SLC9A8: variants seen among roughly 807,000 people sequenced by gnomAD.
SLC9A8 encodes the protein sodium/hydrogen exchanger 8.
Under a neutral mutation model 66.6 loss-of-function variants are expected in SLC9A8, and 48 were observed. The observed-to-expected ratio is 0.72, with a 90% CI of 0.57 to 0.92. SLC9A8 has a LOEUF of 0.92. SLC9A8 is among the 40% of genes least tolerant of loss of function. The probability of loss-of-function intolerance (pLI) is 0.00; values close to 1 mark genes in which losing one functional copy is unlikely to be tolerated. For synonymous variants in SLC9A8, 274 were observed against 282.6 expected (o/e 0.97, Z 0.31); for missense variants, 599 against 747.3 (o/e 0.80, Z 2.31).
At chr20:49,827,506 G>A (rs543704128) in intron 3 of SLC9A8, among the ~76,000 whole-genome samples, 1 of 151,342 alleles carries the variant, frequency 6.6e-6, no homozygotes, top group Non-Finnish European at 1.5e-5. Flanking sequence ...CAGGAGGATG[G>A]GGCAGGAGAA....
intron 7 of SLC9A8, 81 bp downstream of exon 7, chr20:49,850,925 G>T (rs1421199517): frequency 2.0e-6 from 2 of 1,013,438 alleles, no homozygotes; most frequent in Non-Finnish European, 3.0e-6. Context: ...CCTGGGTGTG[G>T]TACTGTTCTA....
Position 49,886,591 on chromosome 20 carries a change from C to A in SLC9A8, c.1492-161C>A. 2.6e-6 allele frequency: 2 copies of A among 770,220 alleles called. No homozygotes were observed. The highest frequency in any genetic ancestry group is 4.1e-6 in the Non-Finnish European group (2 of 489,834). The allele number at this position is 770,220 out of a possible 1,614,324, so 47.7% of individuals were successfully genotyped here. ...CCTGATGGACGTTCCTGCCTCCCTG[C>A]AGGCTCCCAGGAGGCCGTCTGCTGC... On this transcript the variant is annotated intron_variant, in intron 14 of 15. Coordinates refer to ENST00000361573, the MANE Select transcript of SLC9A8 (RefSeq NM_015266.3). The surrounding 1 kb of genome is among the most constrained non-coding windows in gnomAD (Gnocchi z 4.8).
At chr20:49,876,480 C>A (rs1006361150) in intron 11 of SLC9A8, among the ~76,000 whole-genome samples, 1 of 152,174 alleles carries the variant, frequency 6.6e-6, no homozygotes, top group Non-Finnish European at 1.5e-5. Flanking sequence ...AACAGTCCAA[C>A]CCTGTGGAAT....
chr20:49,863,129 G>T, intron 9 of SLC9A8, 62 bp downstream of exon 9: 1 of 1,453,952 alleles, frequency 6.9e-7, no homozygotes, highest in Non-Finnish European at 9.3e-7. Context: ...TCTGTCTCTA[G>T]CCAGTTTCTC....
At chr20:49,853,381 A>G (rs1252995372) in intron 7 of SLC9A8, among the ~76,000 whole-genome samples, 1 of 152,162 alleles carries the variant, frequency 6.6e-6, no homozygotes, top group Non-Finnish European at 1.5e-5. Flanking sequence ...AGCTCAAGCC[A>G]TCCTCCCACC....
At chr20:49,853,464 A>G (rs947859550) in intron 7 of SLC9A8, among the ~76,000 whole-genome samples, 9 of 152,154 alleles carry the variant, frequency 5.9e-5, no homozygotes, top group African/African-American at 1.9e-4. Context: ...TTTAGACATC[A>G]TCCTCCTTCC....
chr20:49,845,056 A>G lies in SLC9A8; in HGVS notation c.369A>G (p.Pro123=), dbSNP rs1278209743. 2 of 1,612,966 alleles carry G rather than the reference A, an allele frequency of 1.2e-6. No homozygotes were observed. Among genetic ancestry groups the G allele is most frequent in the Non-Finnish European group, 1.7e-6 (2 of 1,178,946 alleles). Residue 123 remains proline, a synonymous_variant, in exon 5 of 16, where the codon CCA becomes CCG. Transcript: ENST00000361573. ...ANWKEEEMFR[P]NMFFLLLLPP... is the part of the protein sequence containing the mutation. ...TACAGGAAGAAGAAATGTTTCGTCC[A>G]AACATGTTTTTCCTCCTCCTGCTTC...
At chr20:49,846,793 A>C (rs2146596810) in intron 5 of SLC9A8, among the ~76,000 whole-genome samples, 1 of 152,210 alleles carries the variant, frequency 6.6e-6, no homozygotes, top group East Asian at 1.9e-4. Flanking sequence ...GCGTGCCTGT[A>C]ATCCCAGCTA....
intron 2 of SLC9A8, among the ~76,000 whole-genome samples, chr20:49,817,974 A>G (rs7265473): frequency 0.085 from 13,010 of 152,164 alleles, 665 homozygotes; most frequent in Middle Eastern, 0.13. Flanking sequence ...AGTATTATTA[A>G]TCTATTTACA....
Position 49,880,907 on chromosome 20 carries a change from T to G in SLC9A8, c.1159-17T>G. On this transcript the variant is annotated splice_polypyrimidine_tract_variant and intron_variant, in intron 12 of 15. Coordinates refer to ENST00000361573, the MANE Select transcript of SLC9A8 (RefSeq NM_015266.3). The stretch of plus-strand genomic sequence containing the variant: ...CCAGATGTTTTCACCTAAGACTTAG[T>G]TTGTTGCTATCAACAGGTGCTTGTA... 1 of 1,551,748 alleles carries G rather than the reference T, an allele frequency of 6.4e-7. No individual in the cohort carries two copies. The highest frequency in any genetic ancestry group is 8.9e-7 in the Non-Finnish European group (1 of 1,123,410).
intron 9 of SLC9A8, among the ~76,000 whole-genome samples, chr20:49,864,449 C>G (rs1255145157): frequency 6.6e-6 from 1 of 152,182 alleles, no homozygotes; most frequent in Non-Finnish European, 1.5e-5. Flanking sequence ...CCCCAGCCCT[C>G]TAAGTCAGCG....
chr20:49,837,625 A>C (rs992619977), intron 3 of SLC9A8, among the ~76,000 whole-genome samples: 1 of 152,074 alleles, frequency 6.6e-6, no homozygotes, highest in Non-Finnish European at 1.5e-5. Flanking sequence ...GCTGGAGTGC[A>C]GTGGCATGAT....
chr20:49,839,128 A>G (rs1001926429), intron 3 of SLC9A8, among the ~76,000 whole-genome samples: 26 of 152,320 alleles, frequency 1.7e-4, no homozygotes, highest in African/African-American at 5.1e-4. Flanking sequence ...TGGAACTGCT[A>G]TTTGAGTCTG....
At chr20:49,868,923 TCAAA>T (rs1055069330) in intron 10 of SLC9A8, among the ~76,000 whole-genome samples, 2 of 152,346 alleles carry the variant, frequency 1.3e-5, no homozygotes, top group East Asian at 1.9e-4. Flanking sequence ...CCACAGCAAA[TCAAA>T]CAGTCTCCCT....
chr20:49,819,379 A>G (rs1340560432), intron 2 of SLC9A8, among the ~76,000 whole-genome samples: 2 of 152,100 alleles, frequency 1.3e-5, no homozygotes, highest in Non-Finnish European at 2.9e-5. Context: ...GCATATACAG[A>G]TGTATATTCG....
chr20:49,839,644 A>G (rs1225527744), intron 4 of SLC9A8, 45 bp downstream of exon 4: 1 of 1,262,536 alleles, frequency 7.9e-7, no homozygotes, highest in Non-Finnish European at 1.1e-6. Context: ...AACATTGATC[A>G]TTATGCTGGC....
At chr20:49,849,109 G>C (rs1026295408) in intron 5 of SLC9A8, among the ~76,000 whole-genome samples, 1 of 152,116 alleles carries the variant, frequency 6.6e-6, no homozygotes, top group African/African-American at 2.4e-5. Flanking sequence ...AGCAAAGAGG[G>C]AGCACAACCT....
chr20:49,853,226 C>T (rs1241808553), intron 7 of SLC9A8, among the ~76,000 whole-genome samples: 4 of 152,208 alleles, frequency 2.6e-5, no homozygotes, highest in African/African-American at 9.7e-5. Flanking sequence ...TCGCTGTAGC[C>T]TCAAACTCCT....
In SLC9A8 at chr20:49,865,381, G is replaced by T. The variant is rs544814782; in HGVS notation, c.958+537G>T. Among the ~76,000 whole-genome samples the T allele has an allele frequency of 7.2e-5, 11 of 152,294 alleles. No homozygotes were observed. In the East Asian group the frequency reaches 2.1e-3, roughly 29 times the overall value. ...AAGTGTGGTGGTGGCGTAATGTTGGGCGTTTATTGGACACACTTTACCAGT... is the reference window on the plus strand; with the variant it reads ...AAGTGTGGTGGTGGCGTAATGTTGGTCGTTTATTGGACACACTTTACCAGT... On this transcript the variant is annotated intron_variant, in intron 10 of 15. Transcript: ENST00000361573.
Sources: gnomAD v4.1 joint callset for allele counts (sites outside exome capture counted in the v4.1 genomes callset) on GRCh38, gnomAD v4.1.1 for gene constraint, Gnocchi (gnomAD v3.1) non-coding constraint, MANE v1.5 for transcripts, NCBI Gene and HGNC (gene_info 2026-07-23, HGNC 2026-07-21) for gene names.